NTM: variants seen among roughly 807,000 people sequenced by gnomAD.
NTM encodes IgLON family member 2.
NTM carries 13 observed loss-of-function variants against 42.1 expected under a neutral mutation model. The observed-to-expected ratio is 0.31, with a 90% confidence interval of 0.20 to 0.49. The LOEUF (loss-of-function observed/expected upper bound fraction) is 0.49. NTM is among the 20% of genes least tolerant of loss of function. The pLI, the probability that NTM is intolerant of heterozygous loss-of-function variation, is 0.99. For missense variants in NTM, 373 were observed against 452.8 expected (o/e 0.82, Z 1.60); for synonymous variants, 187 against 179.2 (o/e 1.04, Z -0.35).
chr11:132,063,703 C>T (rs558197276), intron 2 of NTM, among the ~76,000 whole-genome samples: 2 of 152,188 alleles, frequency 1.3e-5, no homozygotes, highest in East Asian at 1.9e-4. Flanking sequence ...TGTCCAGATT[C>T]TCTTTGTTCT....
intron 3 of NTM, among the ~76,000 whole-genome samples, chr11:132,172,588 T>C (rs1056405330): frequency 1.3e-5 from 2 of 152,130 alleles, no homozygotes; most frequent in Non-Finnish European, 2.9e-5. Flanking sequence ...CCAAAAAAGT[T>C]ATTGGAAAGG....
chr11:132,161,485 C>T (rs2074277303), intron 3 of NTM, among the ~76,000 whole-genome samples: 1 of 148,350 alleles, frequency 6.7e-6, no homozygotes, highest in South Asian at 2.2e-4. Context: ...CTATTTCACT[C>T]TCTTAGGCAC....
chr11:131,911,293 G>A lies in NTM; in HGVS notation c.83-271G>A, dbSNP rs1008895577. 10 of 1,430,736 alleles carry A rather than the reference G, an allele frequency of 7.0e-6. No homozygotes were observed. In the Admixed American group the frequency reaches 1.7e-4, roughly 24 times the overall value. The allele number at this position is 1,430,736 out of a possible 1,614,324, so 88.6% of individuals were successfully genotyped here. ...TTTTCCGAGGCTGGCAAAAGCCGAG[G>A]CTGGATTTGGGGGAGGAATATTAGA... On this transcript the variant is annotated intron_variant, in intron 1 of 8. Transcript: ENST00000683400.
At chr11:131,575,382 T>C (rs932606709) in intron 1 of NTM, among the ~76,000 whole-genome samples, 3 of 152,196 alleles carry the variant, frequency 2.0e-5, no homozygotes, top group Admixed American at 6.5e-5. Context: ...ATTTCTCTTC[T>C]GGTTGAAATG....
intron 3 of NTM, among the ~76,000 whole-genome samples, chr11:132,159,297 T>C (rs1384585413): frequency 6.6e-6 from 1 of 152,224 alleles, no homozygotes; most frequent in Non-Finnish European, 1.5e-5. Context: ...CCAGTTTTCC[T>C]GGATGATCCT....
chr11:132,038,512 T>G (rs1410919837), intron 2 of NTM, among the ~76,000 whole-genome samples: 1 of 152,050 alleles, frequency 6.6e-6, no homozygotes, highest in South Asian at 2.1e-4. Context: ...AGGCTCAGTT[T>G]CCCTGACTGT....
intron 1 of NTM, among the ~76,000 whole-genome samples, chr11:131,880,535 G>T (rs2049299446): frequency 6.6e-6 from 1 of 152,210 alleles, no homozygotes; most frequent in Admixed American, 6.5e-5. Context: ...CACACAGAGA[G>T]TTTCCTGCCC....
At chr11:131,859,821 C>A (rs943485744) in intron 1 of NTM, among the ~76,000 whole-genome samples, 1 of 151,818 alleles carries the variant, frequency 6.6e-6, no homozygotes, top group East Asian at 1.9e-4. Flanking sequence ...AAAATAGATT[C>A]TGAGACACTT....
intron 2 of NTM, among the ~76,000 whole-genome samples, chr11:131,922,706 C>T (rs1592891010): frequency 6.6e-6 from 1 of 152,188 alleles, no homozygotes; most frequent in African/African-American, 2.4e-5. Flanking sequence ...CTTGTTTCTA[C>T]TCCTGTTCCC....
intron 1 of NTM, among the ~76,000 whole-genome samples, chr11:131,598,655 A>G (rs2060024059): frequency 6.6e-6 from 1 of 151,686 alleles, no homozygotes. Flanking sequence ...TACAGCAGCA[A>G]AGAGAACTAC....
chr11:131,728,813 G>A (rs1483344238), intron 1 of NTM, among the ~76,000 whole-genome samples: 5 of 152,066 alleles, frequency 3.3e-5, no homozygotes, highest in African/African-American at 1.2e-4. Flanking sequence ...TCCTGCCTTG[G>A]TCTTACAGGT....
chr11:131,393,917 G>T (rs892156845), intron 1 of NTM, among the ~76,000 whole-genome samples: 3 of 152,198 alleles, frequency 2.0e-5, no homozygotes, highest in Non-Finnish European at 2.9e-5. Context: ...TGTGGAATGA[G>T]AAATGTAAAT....
intron 1 of NTM, among the ~76,000 whole-genome samples, chr11:131,881,882 C>A (rs1180091314): frequency 6.6e-6 from 1 of 152,222 alleles, no homozygotes; most frequent in Non-Finnish European, 1.5e-5. Context: ...ACAGGCACAG[C>A]ACTTGCAGGA....
intron 1 of NTM, among the ~76,000 whole-genome samples, chr11:131,574,387 G>A (rs1050602742): frequency 9.9e-5 from 15 of 152,208 alleles, no homozygotes; most frequent in African/African-American, 2.6e-4. Context: ...GGAAAAAGGC[G>A]TTGTTCATAC....
chr11:132,336,568 A>T lies in NTM; in HGVS notation c.*1422A>T, dbSNP rs2095873771. The T allele has an allele frequency of 6.6e-6, 1 of 152,598 alleles. No homozygotes were observed. Among genetic ancestry groups the T allele is most frequent in the Non-Finnish European group, 1.5e-5 (1 of 68,040 alleles). The allele number at this position is 152,598 out of a possible 1,614,324, so 9.5% of individuals were successfully genotyped here. On this transcript the variant is annotated 3_prime_UTR_variant, in exon 9 of 9. Transcript: ENST00000683400. The stretch of plus-strand genomic sequence containing the variant: ...CTTTAGCCCATTATGGGAATCTCTG[A>T]TGCCTTTGTGACCACTGGAGAGTTT...
chr11:131,607,914 A>G (rs921261257), intron 1 of NTM, among the ~76,000 whole-genome samples: 1 of 151,184 alleles, frequency 6.6e-6, no homozygotes, highest in African/African-American at 2.4e-5. Flanking sequence ...TATAATTATT[A>G]TTATTATACT....
intron 1 of NTM, among the ~76,000 whole-genome samples, chr11:131,469,713 C>T (rs537755389): frequency 1.1e-4 from 16 of 152,304 alleles, no homozygotes; most frequent in Non-Finnish European, 2.4e-4. Flanking sequence ...GTTACTTGAG[C>T]TTAGTTTTCT....
intron 1 of NTM, among the ~76,000 whole-genome samples, chr11:131,772,037 T>A (rs147587355): frequency 2.3e-4 from 35 of 152,344 alleles, no homozygotes; most frequent in African/African-American, 5.5e-4. Context: ...TTTGTTTATG[T>A]TGCTTTTCTA....
At chr11:131,404,493 G>A (rs189089375) in intron 1 of NTM, among the ~76,000 whole-genome samples, 9 of 152,136 alleles carry the variant, frequency 5.9e-5, no homozygotes, top group Admixed American at 3.9e-4. Flanking sequence ...TTCCTCTGTC[G>A]ATCCACTTCT....
Sources: allele counts gnomAD v4.1 joint callset (sites outside exome capture counted in the v4.1 genomes callset), GRCh38; gene constraint gnomAD v4.1.1; transcripts MANE v1.5; gene names NCBI Gene and HGNC (gene_info 2026-07-23, HGNC 2026-07-21).